The following CELF2 variants were observed in gnomAD, a reference collection of about 807,000 sequenced individuals.
CELF2 encodes the protein CUG triplet repeat RNA-binding protein 2.
In CELF2, 8 loss-of-function variants were observed where a neutral mutation model predicts 62.6. The ratio of observed to expected loss-of-function variants is 0.13; its 90% CI spans 0.07 to 0.23. The LOEUF (loss-of-function observed/expected upper bound fraction) is 0.23, where lower values mean the gene tolerates loss of function less well. Ranked by LOEUF, CELF2 falls within the 10% of genes least tolerant of loss-of-function variation. The probability of loss-of-function intolerance (pLI) is 1.00; values close to 1 mark genes in which losing one functional copy is unlikely to be tolerated. For synonymous variants in CELF2, 258 were observed against 250.0 expected, an observed-to-expected ratio of 1.03 and a Z score of -0.30; for missense variants, 333 against 671.0, an observed-to-expected ratio of 0.50 and a Z score of 5.56.
intron 5 of CELF2, 82 bp from the exon 6 acceptor site, chr10:11,266,516 C>G: frequency 1.0e-6 from 1 of 974,666 alleles, no homozygotes; most frequent in Non-Finnish European, 1.6e-6. Flanking sequence ...TTCTCGTAGA[C>G]TGTGTTGGTT....
At chr10:10,896,132 G>A (rs551954980) in intron 1 of CELF2, among the ~76,000 whole-genome samples, 2 of 152,254 alleles carry the variant, frequency 1.3e-5, no homozygotes, top group South Asian at 4.1e-4. Flanking sequence ...TGGAAGCTGG[G>A]GAGATAACCA....
chr10:11,210,451 C>T (rs989496095), intron 2 of CELF2, among the ~76,000 whole-genome samples: 1 of 152,192 alleles, frequency 6.6e-6, no homozygotes, highest in African/African-American at 2.4e-5. Flanking sequence ...ACCAGCTTTG[C>T]CGCAGAATTG....
chr10:10,930,567 T>C (rs562998731), intron 2 of CELF2, among the ~76,000 whole-genome samples: 53 of 152,322 alleles, frequency 3.5e-4, no homozygotes, highest in Middle Eastern at 6.8e-3. Context: ...GTTTTCTGGA[T>C]TTGTCGCCAT....
chr10:10,595,554 C>T, the CELF2 span, among the ~76,000 whole-genome samples: 2 of 152,290 alleles, frequency 1.3e-5, no homozygotes, highest in Admixed American at 6.5e-5. Flanking sequence ...GACAGGACTA[C>T]TGGTGTGCCA....
the CELF2 span, among the ~76,000 whole-genome samples, chr10:10,562,193 A>G: frequency 6.6e-6 from 1 of 152,100 alleles, no homozygotes; most frequent in Admixed American, 6.5e-5. Context: ...CGAAAACAAC[A>G]CACACACCCT....
At chr10:10,904,414 T>C (rs2063174046) in intron 1 of CELF2, among the ~76,000 whole-genome samples, 1 of 152,066 alleles carries the variant, frequency 6.6e-6, no homozygotes, top group South Asian at 2.1e-4. Context: ...TTATTTTTTG[T>C]AAAGACAGAG....
intron 1 of CELF2, among the ~76,000 whole-genome samples, chr10:10,864,888 A>C (rs1336094823): frequency 6.6e-6 from 1 of 152,224 alleles, no homozygotes; most frequent in Admixed American, 6.5e-5. Flanking sequence ...GTCCCCAGAT[A>C]CTATCATCTA....
chr10:10,724,673 A>G, the CELF2 span, among the ~76,000 whole-genome samples: 388 of 150,408 alleles, frequency 2.6e-3, 9 homozygotes, highest in East Asian at 0.018. Flanking sequence ...AAAAAAAAGA[A>G]AAAAGAAAAG....
At chr10:11,045,630 C>G (rs1373061724) in intron 1 of CELF2, among the ~76,000 whole-genome samples, 2 of 152,086 alleles carry the variant, frequency 1.3e-5, no homozygotes, top group African/African-American at 4.8e-5. Flanking sequence ...TATTCTTTGG[C>G]AAAGGGAGGC....
the CELF2 span, among the ~76,000 whole-genome samples, chr10:10,496,670 A>G: frequency 6.6e-6 from 1 of 152,204 alleles, no homozygotes; most frequent in Non-Finnish European, 1.5e-5. Flanking sequence ...AACATAAGCT[A>G]GAACCTGAAG....
chr10:10,641,654 G>A, the CELF2 span, among the ~76,000 whole-genome samples: 19,483 of 152,060 alleles, frequency 0.13, 1,562 homozygotes, highest in Non-Finnish European at 0.18. Context: ...TCACCATGTT[G>A]GCCAGGCTGG....
chr10:10,964,325 C>T (rs1456457152), intron 2 of CELF2, among the ~76,000 whole-genome samples: 1 of 152,116 alleles, frequency 6.6e-6, no homozygotes, highest in Non-Finnish European at 1.5e-5. Flanking sequence ...GAAATTGAAG[C>T]TATTTGGACT....
intron 1 of CELF2, among the ~76,000 whole-genome samples, chr10:10,842,303 A>G (rs982211967): frequency 2.0e-5 from 3 of 151,808 alleles, no homozygotes; most frequent in African/African-American, 4.8e-5. Flanking sequence ...ATTTTTTTCT[A>G]TTAACTAGGA....
chr10:10,539,607 C>T, the CELF2 span, among the ~76,000 whole-genome samples: 147,278 of 152,302 alleles, frequency 0.97, 71,236 homozygotes, highest in South Asian at 0.98. Flanking sequence ...GTTCTGAAGC[C>T]AAACAGAAAA....
chr10:10,935,771 A>G (rs575690740), intron 2 of CELF2, among the ~76,000 whole-genome samples: 2 of 152,208 alleles, frequency 1.3e-5, no homozygotes, highest in Non-Finnish European at 2.9e-5. Context: ...AATATTTCTT[A>G]TAATTCTTCA....
Position 10,984,829 on chromosome 10 carries a change from AG to A in CELF2, c.89+64831del, listed in dbSNP as rs542029465. 7.1e-4 allele frequency among the ~76,000 whole-genome samples: 108 copies of A among 152,318 alleles called. 1 individual carries two copies. Among genetic ancestry groups the A allele is most frequent in the Non-Finnish European group, 1.3e-3 (89 of 68,024 alleles). On this transcript the variant is annotated intron_variant, in intron 2 of 13. Transcript: ENST00000636488. ...TTTTAGAGATATGTCTGTCAAGTGA[AG>A]CACATTCATACCTTGACTGGACTAA...
the CELF2 span, among the ~76,000 whole-genome samples, chr10:10,725,306 C>T: frequency 1.3e-5 from 2 of 152,244 alleles, no homozygotes; most frequent in South Asian, 2.1e-4. Flanking sequence ...GGAGAGAGCA[C>T]CTCTCTAGTT....
chr10:11,304,131 C>CA (rs1283670872), intron 9 of CELF2, among the ~76,000 whole-genome samples: 1 of 152,134 alleles, frequency 6.6e-6, no homozygotes, highest in East Asian at 1.9e-4. Context: ...CCAGCAGACT[C>CA]ACTGGGCTAG....
chr10:11,083,715 G>T lies in CELF2; in HGVS notation c.74+65552G>T, dbSNP rs115402491. ...GTTGAGAGCAAGGACTTGGGAGTCTGACAGCTTGAATTGGACTCTGGGTTC... is the reference window on the plus strand; with the variant it reads ...GTTGAGAGCAAGGACTTGGGAGTCTTACAGCTTGAATTGGACTCTGGGTTC... On this transcript the variant is annotated intron_variant, in intron 1 of 12. Transcript: ENST00000633077. Among the ~76,000 whole-genome samples, 1,219 of 152,290 alleles carry T rather than the reference G, an allele frequency of 8.0e-3. 15 individuals carry two copies. The highest frequency in any genetic ancestry group is 0.028 in the African/African-American group (1,168 of 41,552).
Sources: gnomAD v4.1 joint callset for allele counts (sites outside exome capture counted in the v4.1 genomes callset) on GRCh38, gnomAD v4.1.1 for gene constraint, MANE v1.5 for transcripts, NCBI Gene and HGNC (gene_info 2026-07-23, HGNC 2026-07-21) for gene names.